Variants in CDH11 observed in about 807,000 individuals in gnomAD.
CDH11 encodes the protein cadherin 11, also known as cadherin-11.
CDH11 carries 11 observed loss-of-function variants against 67.8 expected under a neutral mutation model. The ratio of observed to expected loss-of-function variants is 0.16; its 90% CI spans 0.10 to 0.27. The LOEUF (loss-of-function observed/expected upper bound fraction) is 0.27, where lower values mean the gene tolerates loss of function less well. CDH11 is among the 10% of genes least tolerant of loss of function. The pLI is 1.00. For synonymous variants in CDH11, 419 were observed against 400.0 expected (o/e 1.05, Z -0.57); for missense variants, 847 against 1,031.2 (o/e 0.82, Z 2.45).
chr16:65,035,462 T>C (rs2073734950), intron 2 of CDH11, among the ~76,000 whole-genome samples: 1 of 152,208 alleles, frequency 6.6e-6, no homozygotes, highest in South Asian at 2.1e-4. Context: ...CCCACAGCAG[T>C]GCCCCTGCTA....
intron 2 of CDH11, among the ~76,000 whole-genome samples, chr16:65,027,681 G>T (rs2073561610): frequency 6.6e-6 from 1 of 152,184 alleles, no homozygotes; most frequent in Non-Finnish European, 1.5e-5. Context: ...TCTCCAGGAT[G>T]GCTGCCCATG....
At chr16:65,084,233 A>G (rs1017190214) in intron 1 of CDH11, among the ~76,000 whole-genome samples, 5 of 152,234 alleles carry the variant, frequency 3.3e-5, no homozygotes, top group African/African-American at 1.2e-4. Context: ...TCACATCTCT[A>G]ATCCCTGCAC....
rs1270888418 is a variant in CDH11 at position 65,121,301 on chromosome 16, G to T, written c.-298+579C>A. ...CCCCAAACCCACGCTATTAAAGTGCGGGCAATCTCCTTCCGGAGCTGGGGT... is the reference window on the plus strand; with the variant it reads ...CCCCAAACCCACGCTATTAAAGTGCTGGCAATCTCCTTCCGGAGCTGGGGT... On this transcript the variant is annotated intron_variant, in intron 1 of 12. Coordinates refer to ENST00000268603, the MANE Select transcript of CDH11 (RefSeq NM_001797.4). The surrounding 1 kb of genome is among the most constrained non-coding windows in gnomAD (Gnocchi z 4.1). 2.0e-5 allele frequency among the ~76,000 whole-genome samples: 3 copies of T among 152,194 alleles called. No individual in the cohort carries two copies. The highest frequency in any genetic ancestry group is 4.4e-5 in the Non-Finnish European group (3 of 68,036).
chr16:64,981,589 T>A (rs2072351852), intron 8 of CDH11: 1 of 152,526 alleles, frequency 6.6e-6, no homozygotes, highest in South Asian at 2.1e-4. Context: ...TGTCTTGCAT[T>A]GCCTCCAATT....
chr16:65,085,651 C>G (rs906326981), intron 1 of CDH11, among the ~76,000 whole-genome samples: 1 of 152,176 alleles, frequency 6.6e-6, no homozygotes, highest in African/African-American at 2.4e-5. Context: ...GAGATCCACT[C>G]GGTTCTGCTT....
chr16:64,986,484 G>C (rs2072490049), intron 7 of CDH11: 1 of 151,964 alleles, frequency 6.6e-6, no homozygotes, highest in African/African-American at 2.4e-5. Context: ...GACAACCTTA[G>C]CATAACCAAC....
At chr16:65,118,580 CTT>C (rs1428592324) in intron 1 of CDH11, among the ~76,000 whole-genome samples, 1 of 152,064 alleles carries the variant, frequency 6.6e-6, no homozygotes, top group Non-Finnish European at 1.5e-5. Flanking sequence ...AATTAGGTAA[CTT>C]TTTATGAAAC....
At chr16:65,064,164 G>A (rs772900127) in intron 1 of CDH11, among the ~76,000 whole-genome samples, 26 of 152,188 alleles carry the variant, frequency 1.7e-4, no homozygotes, top group Non-Finnish European at 2.9e-4. Flanking sequence ...ACCTTATCTA[G>A]GAGCCAAACC....
At chr16:65,025,385 G>A (rs1038635579) in intron 2 of CDH11, among the ~76,000 whole-genome samples, 5 of 152,104 alleles carry the variant, frequency 3.3e-5, no homozygotes, top group African/African-American at 1.2e-4. Flanking sequence ...TGCCCAGGCT[G>A]GAGTGCAGTG....
At chr16:65,004,157 G>A (rs934017234) in intron 3 of CDH11, among the ~76,000 whole-genome samples, 3 of 152,170 alleles carry the variant, frequency 2.0e-5, no homozygotes, top group African/African-American at 7.2e-5. Flanking sequence ...ACTTAGGTCA[G>A]AGGTTTGAAG....
intron 1 of CDH11, among the ~76,000 whole-genome samples, chr16:65,072,838 T>C (rs935302831): frequency 3.3e-5 from 5 of 152,224 alleles, no homozygotes; most frequent in Admixed American, 6.5e-5. Flanking sequence ...AACCAGCTAC[T>C]CAACCTCTGC....
chr16:65,122,820 G>C (rs769763315), upstream of CDH11, among the ~76,000 whole-genome samples: 1 of 152,132 alleles, frequency 6.6e-6, no homozygotes, highest in African/African-American at 2.4e-5. Context: ...GGAGCGCTTC[G>C]CCGGGGTCGG....
intron 2 of CDH11, among the ~76,000 whole-genome samples, chr16:65,024,175 C>T (rs911749287): frequency 1.3e-5 from 2 of 152,110 alleles, no homozygotes; most frequent in East Asian, 3.9e-4. Context: ...AGTACTTTAC[C>T]CCTGGTTATG....
chr16:65,043,856 C>G (rs569967980), intron 2 of CDH11, among the ~76,000 whole-genome samples: 1 of 152,058 alleles, frequency 6.6e-6, no homozygotes, highest in Non-Finnish European at 1.5e-5. Flanking sequence ...GAGTAGAATC[C>G]TGGCTCTGCC....
At chr16:65,024,215 C>T (rs893452287) in intron 2 of CDH11, among the ~76,000 whole-genome samples, 1 of 152,156 alleles carries the variant, frequency 6.6e-6, no homozygotes, top group Non-Finnish European at 1.5e-5. Context: ...ATATTAAGTT[C>T]CCTGAGATTC....
Position 64,946,588 on chromosome 16 carries a change from CATG to C in CDH11, c.*1012_*1014del. ...ACCAAGAATGTACAAAAAAGCTTTA[CATG>C]ATGTTACAGAATCTTGTCTGAAAAA... On this transcript the variant is annotated 3_prime_UTR_variant, in exon 13 of 13. Transcript: ENST00000268603. The C allele has an allele frequency of 9.7e-7, 1 of 1,033,176 alleles. No homozygotes were observed. Among genetic ancestry groups the C allele is most frequent in the Non-Finnish European group, 1.2e-6 (1 of 858,834 alleles). The allele number at this position is 1,033,176 out of a possible 1,614,324, so 64.0% of individuals were successfully genotyped here.
In CDH11 at chr16:64,946,285, A is replaced by G; in HGVS notation, c.*1318T>C. ...AATAGCCTGGTAAGTTCAACAGAAG[A>G]AAAAATAGAATAACATTAGAGTCTG... On this transcript the variant is annotated 3_prime_UTR_variant, in exon 13 of 13. Transcript: ENST00000268603. The G allele has an allele frequency of 9.6e-7, 1 of 1,046,304 alleles. No individual in the cohort carries two copies. Among genetic ancestry groups the G allele is most frequent in the Non-Finnish European group, 1.2e-6 (1 of 867,202 alleles). The allele number at this position is 1,046,304 out of a possible 1,614,324, so 64.8% of individuals were successfully genotyped here.
intron 3 of CDH11, among the ~76,000 whole-genome samples, chr16:65,000,122 T>C (rs1294386260): frequency 6.6e-6 from 1 of 152,192 alleles, no homozygotes; most frequent in Non-Finnish European, 1.5e-5. Flanking sequence ...TGACAGAGCT[T>C]AGAGATAAGA....
intron 6 of CDH11, 34 bp from the exon 7 acceptor site, chr16:64,988,378 T>G: frequency 6.5e-7 from 1 of 1,550,312 alleles, no homozygotes; most frequent in South Asian, 1.2e-5. Flanking sequence ...TTATTTTCTC[T>G]TTTATTTGGC....
Sources: allele counts gnomAD v4.1 joint callset (sites outside exome capture counted in the v4.1 genomes callset), GRCh38; gene constraint gnomAD v4.1.1; non-coding constraint Gnocchi (gnomAD v3.1); transcripts MANE v1.5; gene names NCBI Gene and HGNC (gene_info 2026-07-23, HGNC 2026-07-21).